Variants in CELF4 observed in about 807,000 individuals in gnomAD.
CELF4 encodes CUGBP Elav-like family member 4.
CELF4 carries 18 observed loss-of-function variants against 59.9 expected under a neutral mutation model. The ratio of observed to expected loss-of-function variants is 0.30; its 90% CI spans 0.21 to 0.45. CELF4 has a LOEUF of 0.45. Ranked by LOEUF, CELF4 falls within the 20% of genes least tolerant of loss-of-function variation. The pLI is 1.00. For synonymous variants in CELF4, 261 were observed against 267.1 expected, an observed-to-expected ratio of 0.98 and a Z score of 0.22; for missense variants, 456 against 689.0, an observed-to-expected ratio of 0.66 and a Z score of 3.79.
In CELF4 at chr18:37,534,891, C is replaced by T. The variant is rs142256038; in HGVS notation, c.286+30465G>A. ...GTGTTTACAGAACCCCTTCTGAAAG[C>T]GAGCAGGGGCTGGGGCTGCACAGCA... On this transcript the variant is annotated intron_variant, in intron 1 of 12. Transcript: ENST00000420428. Among the ~76,000 whole-genome samples the T allele has an allele frequency of 2.3e-4, 35 of 152,198 alleles. No individual in the cohort carries two copies. The South Asian group carries it at 5.4e-3, about 23-fold the overall frequency.
At chr18:37,299,784 T>A (rs1308818866) in intron 3 of CELF4, among the ~76,000 whole-genome samples, 1 of 152,128 alleles carries the variant, frequency 6.6e-6, no homozygotes, top group African/African-American at 2.4e-5. Context: ...GCTGAGTGAG[T>A]CACATTCCCT....
chr18:37,487,364 G>A (rs890466567), intron 1 of CELF4, among the ~76,000 whole-genome samples: 1 of 152,154 alleles, frequency 6.6e-6, no homozygotes, highest in Non-Finnish European at 1.5e-5. Flanking sequence ...GAAACTCTCA[G>A]CTCCCAGTGC....
intron 2 of CELF4, among the ~76,000 whole-genome samples, chr18:37,408,286 C>A (rs1383847269): frequency 6.6e-6 from 1 of 152,032 alleles, no homozygotes; most frequent in Non-Finnish European, 1.5e-5. Context: ...GAGCAAGGTA[C>A]CCATCCTTCA....
At chr18:37,523,454 G>C (rs1276460806) in intron 1 of CELF4, among the ~76,000 whole-genome samples, 2 of 152,166 alleles carry the variant, frequency 1.3e-5, no homozygotes, top group Non-Finnish European at 2.9e-5. Context: ...CTGGGACCCT[G>C]AGCCACATGC....
chr18:37,272,846 C>T (rs140815917), intron 7 of CELF4, among the ~76,000 whole-genome samples, 170 bp downstream of exon 7: 2 of 152,368 alleles, frequency 1.3e-5, no homozygotes, highest in African/African-American at 4.8e-5. Flanking sequence ...CTTGGATCCC[C>T]ATGGATTAGA....
chr18:37,447,072 T>C (rs911871500), intron 2 of CELF4, among the ~76,000 whole-genome samples: 3 of 151,930 alleles, frequency 2.0e-5, no homozygotes, highest in Non-Finnish European at 4.4e-5. Context: ...AATCCTGCCA[T>C]AGTCGCTAAA....
chr18:37,387,259 A>C (rs2099109608), intron 2 of CELF4, among the ~76,000 whole-genome samples: 1 of 152,194 alleles, frequency 6.6e-6, no homozygotes, highest in Non-Finnish European at 1.5e-5. Context: ...GGGCCAACTG[A>C]ACCCCATGGT....
intron 3 of CELF4, among the ~76,000 whole-genome samples, chr18:37,315,914 G>C (rs944312532): frequency 7.2e-5 from 11 of 152,302 alleles, no homozygotes; most frequent in East Asian, 3.9e-4. Context: ...TGAGGCCATG[G>C]TAGTCAGAGC....
intron 2 of CELF4, among the ~76,000 whole-genome samples, chr18:37,467,509 G>A (rs1441022121): frequency 6.6e-6 from 1 of 152,156 alleles, no homozygotes; most frequent in Non-Finnish European, 1.5e-5. Flanking sequence ...CAATGGCCAC[G>A]TGGACCAGGC....
intron 2 of CELF4, among the ~76,000 whole-genome samples, chr18:37,414,840 C>T (rs114285811): frequency 0.02 from 3,017 of 152,084 alleles, 105 homozygotes; most frequent in African/African-American, 0.068. Flanking sequence ...CATCCATCTA[C>T]CCATCCACTC....
intron 2 of CELF4, among the ~76,000 whole-genome samples, chr18:37,431,590 T>C (rs1307459560): frequency 6.6e-6 from 1 of 152,092 alleles, no homozygotes; most frequent in East Asian, 1.9e-4. Context: ...GGGATGGTCT[T>C]GATCTCCTGA....
intron 11 of CELF4, among the ~76,000 whole-genome samples, chr18:37,255,805 A>T (rs1215515680): frequency 6.6e-6 from 1 of 151,952 alleles, no homozygotes; most frequent in African/African-American, 2.4e-5. Flanking sequence ...CTCATCATCC[A>T]CCTGAGCTCA....
intron 1 of CELF4, among the ~76,000 whole-genome samples, chr18:37,499,752 G>T (rs968995437): frequency 1.3e-5 from 2 of 152,178 alleles, no homozygotes; most frequent in Admixed American, 6.5e-5. Context: ...AGGTCAATAG[G>T]TCTCTCTGGG....
At chr18:37,564,919 C>G (rs1269373510) in intron 1 of CELF4, among the ~76,000 whole-genome samples, 3 of 151,972 alleles carry the variant, frequency 2.0e-5, no homozygotes, top group Non-Finnish European at 4.4e-5. Flanking sequence ...ATGAGGAGAC[C>G]ACCTCCTTTA....
At chr18:37,530,235 C>A (rs1479134400) in intron 1 of CELF4, among the ~76,000 whole-genome samples, 1 of 152,186 alleles carries the variant, frequency 6.6e-6, no homozygotes, top group Non-Finnish European at 1.5e-5. Flanking sequence ...ATTCTCACCA[C>A]AACTCTATCA....
intron 1 of CELF4, among the ~76,000 whole-genome samples, chr18:37,558,779 G>A (rs1048390615): frequency 6.6e-5 from 10 of 151,248 alleles, no homozygotes; most frequent in Non-Finnish European, 8.8e-5. Flanking sequence ...TCTGCTTGGA[G>A]GGCCTGACTT....
At chr18:37,295,130 G>A (rs1488232105) in intron 3 of CELF4, among the ~76,000 whole-genome samples, 2 of 152,202 alleles carry the variant, frequency 1.3e-5, no homozygotes, top group Non-Finnish European at 1.5e-5. Context: ...CCTTCCTCCA[G>A]GAGGGGGCGC....
intron 2 of CELF4, among the ~76,000 whole-genome samples, chr18:37,390,182 G>A (rs543783304): frequency 2.0e-5 from 3 of 152,178 alleles, no homozygotes; most frequent in Admixed American, 6.5e-5. Context: ...ATGAGCGTGC[G>A]CCACATGGGA....
intron 1 of CELF4, among the ~76,000 whole-genome samples, chr18:37,501,794 G>A (rs2099932165): frequency 6.6e-6 from 1 of 151,532 alleles, no homozygotes. Context: ...AGGAGCAGTG[G>A]GCATTTGCAG....
Sources: allele counts gnomAD v4.1 joint callset (sites outside exome capture counted in the v4.1 genomes callset), GRCh38; gene constraint gnomAD v4.1.1; transcripts MANE v1.5; gene names NCBI Gene and HGNC (gene_info 2026-07-23, HGNC 2026-07-21).